FLOT2: variants seen among roughly 807,000 people sequenced by gnomAD.
FLOT2 encodes the protein flotillin 2, also known as flotillin-2.
A neutral mutation model predicts 54.9 loss-of-function variants in FLOT2; 35 were observed. The observed-to-expected ratio is 0.64, with a 90% confidence interval of 0.49 to 0.84. FLOT2 has a LOEUF of 0.84. FLOT2 is among the 40% of genes least tolerant of loss of function. The probability of loss-of-function intolerance (pLI) is 0.00; values close to 1 mark genes in which losing one functional copy is unlikely to be tolerated. For missense variants in FLOT2, 464 were observed against 572.1 expected (o/e 0.81, Z 1.93); for synonymous variants, 207 against 228.9 (o/e 0.90, Z 0.86).
chr17:28,886,058 C>CG (rs57069941), intron 2 of FLOT2: 18,173 of 473,004 alleles, frequency 0.038, 1,666 homozygotes, highest in South Asian at 0.054. Context: ...CGCCTGGGGG[C>CG]GGGGGGGGGC....
At chr17:28,893,751 T>C (rs1473653097) in intron 1 of FLOT2, among the ~76,000 whole-genome samples, 1 of 152,244 alleles carries the variant, frequency 6.6e-6, no homozygotes, top group Non-Finnish European at 1.5e-5. Context: ...AATCAACTCA[T>C]AACTTAGAAA....
chr17:28,881,503 G>A (rs949956809), intron 8 of FLOT2, 128 bp from the exon 9 acceptor site: 2 of 1,018,340 alleles, frequency 2.0e-6, no homozygotes, highest in Non-Finnish European at 1.4e-6. Flanking sequence ...TTGGAACGGA[G>A]TGGGGTGGCC....
rs955349122 is a variant in FLOT2, at chr17:28,883,868, C to A, written c.222+357G>T. Reference sequence around the variant, plus strand: ...CATGGCCTCTCCCTCTGGGCCCCACCCCTCCCACGCAGTACCCAGGGAACA... The same window carrying A: ...CATGGCCTCTCCCTCTGGGCCCCACACCTCCCACGCAGTACCCAGGGAACA... On this transcript the variant is annotated intron_variant, in intron 3 of 10. Transcript: ENST00000394908. This position sits in a 1 kb window ranked among gnomAD's most constrained non-coding sequence, Gnocchi z 5.0. Among the ~76,000 whole-genome samples the A allele has an allele frequency of 4.3e-4, 65 of 152,140 alleles. No homozygotes were observed. Among genetic ancestry groups the A allele is most frequent in the Non-Finnish European group, 8.8e-4 (60 of 68,016 alleles).
At chr17:28,889,077 A>AC (rs1884396142) in intron 1 of FLOT2, 51 bp from the exon 2 acceptor site, 1 of 1,516,420 alleles carries the variant, frequency 6.6e-7, no homozygotes, top group Non-Finnish European at 9.1e-7. Context: ...GGGTCTGTCT[A>AC]CCCTCCAGCC....
In FLOT2 at chr17:28,883,317, G is replaced by A. The variant is rs560614094; in HGVS notation, c.223-86C>T. The A allele has an allele frequency of 1.3e-6, 2 of 1,535,750 alleles. No individual in the cohort carries two copies. Among genetic ancestry groups the A allele is most frequent in the South Asian group, 1.1e-5 (1 of 87,738 alleles). On this transcript the variant is annotated intron_variant, in intron 3 of 10. Transcript: ENST00000394908. This position sits in a 1 kb window ranked among gnomAD's most constrained non-coding sequence, Gnocchi z 5.0. ...CCCAGAGGTAGGCAGGATGGTGGCT[G>A]TGCCTCCTCCCTTCCTTTTTTCAGA...
At chr17:28,886,110 A>G in intron 2 of FLOT2, 1 of 655,528 alleles carries the variant, frequency 1.5e-6, no homozygotes, top group African/African-American at 1.8e-5. Flanking sequence ...AGCTCAGCCG[A>G]GGGCTGCAGG....
In FLOT2 at chr17:28,882,267, T is replaced by A; in HGVS notation, c.580-30A>T. 2 of 1,614,038 alleles carry A rather than the reference T, an allele frequency of 1.2e-6. No individual in the cohort carries two copies. Among genetic ancestry groups the A allele is most frequent in the South Asian group, 2.2e-5 (2 of 91,072 alleles). ...GGACAAAAGGGGCAGAAGGGGAAGG[T>A]GAGTGAGTAGAGGTCCTGAGTCATC... On this transcript the variant is annotated intron_variant, in intron 6 of 10. Coordinates refer to ENST00000394908, the MANE Select transcript of FLOT2 (RefSeq NM_004475.3). This position sits in a 1 kb window ranked among gnomAD's most constrained non-coding sequence, Gnocchi z 5.6.
chr17:28,886,062 G>GGGGGGGGCAT (rs1555599336), intron 2 of FLOT2: 28 of 619,292 alleles, frequency 4.5e-5, no homozygotes, highest in Middle Eastern at 8.4e-4. Context: ...TGGGGGCGGG[G>GGGGGGGGCAT]GGGGGCATGC....
chr17:28,883,562 A>T lies in FLOT2; in HGVS notation c.223-331T>A, dbSNP rs984522760. On this transcript the variant is annotated intron_variant, in intron 3 of 10. Transcript: ENST00000394908. This position sits in a 1 kb window ranked among gnomAD's most constrained non-coding sequence, Gnocchi z 5.0. The stretch of plus-strand genomic sequence containing the variant: ...GGCTTCCTACACGTGGGAGACCCTC[A>T]GGCTGAGGGGCAGAGAGTATGAGAA... 6.6e-6 allele frequency among the ~76,000 whole-genome samples: 1 copy of T among 152,094 alleles called. No individual in the cohort carries two copies. The highest frequency in any genetic ancestry group is 2.4e-5 in the African/African-American group (1 of 41,398).
intron 1 of FLOT2, among the ~76,000 whole-genome samples, chr17:28,891,616 T>A (rs1056348025): frequency 3.3e-5 from 5 of 152,258 alleles, no homozygotes; most frequent in Non-Finnish European, 7.3e-5. Context: ...TACAGCAGCC[T>A]CTAGCAACAT....
In FLOT2 at chr17:28,880,217, C is replaced by A; in HGVS notation, c.*344G>T. ...AAGGCACCAGGATTCTGAGGAGCAG[C>A]AGGGCCACCCCCCACAGAGAGTGAT... On this transcript the variant is annotated 3_prime_UTR_variant, in exon 11 of 11. Transcript: ENST00000394908. 1 of 1,155,510 alleles carries A rather than the reference C, an allele frequency of 8.7e-7. No homozygotes were observed. The highest frequency in any genetic ancestry group is 1.1e-6 in the Non-Finnish European group (1 of 932,372). The allele number at this position is 1,155,510 out of a possible 1,614,324, so 71.6% of individuals were successfully genotyped here.
At chr17:28,894,304 C>T (rs1324351978) in intron 1 of FLOT2, among the ~76,000 whole-genome samples, 1 of 150,812 alleles carries the variant, frequency 6.6e-6, no homozygotes, top group African/African-American at 2.4e-5. Context: ...CTGGGCAACA[C>T]AGGGAGACCC....
chr17:28,883,133 C>T lies in FLOT2; in HGVS notation c.321G>A (p.Leu107=). ...QDIKNVVLQT[L]EGHLRSILGT... is the part of the protein sequence containing the mutation. ...CGAGGATGGAGCGCAGATGTCCCTCCAGGGTCTGCAGGACGACGTTTTTGA... is the reference window on the plus strand; with the variant it reads ...CGAGGATGGAGCGCAGATGTCCCTCTAGGGTCTGCAGGACGACGTTTTTGA... Residue 107 remains leucine, a synonymous_variant, in exon 4 of 11, where the codon CTG becomes CTA. Transcript: ENST00000394908. The surrounding 1 kb of genome is among the most constrained non-coding windows in gnomAD (Gnocchi z 5.0). The T allele has an allele frequency of 6.2e-7, 1 of 1,614,168 alleles. No homozygotes were observed. The highest frequency in any genetic ancestry group is 2.2e-5 in the East Asian group (1 of 44,878).
rs371665436 is a variant in FLOT2 at position 28,884,261 on chromosome 17, G to A, written c.186C>T (p.Ala62=). The A allele has an allele frequency of 2.0e-5, 32 of 1,613,448 alleles. No homozygotes were observed. The highest frequency in any genetic ancestry group is 4.0e-5 in the African/African-American group (3 of 74,908). The change falls in exon 3 of 11, where the codon GCC becomes GCT. Residue 62 remains alanine, a synonymous_variant. Transcript: ENST00000394908. The surrounding 1 kb of genome is among the most constrained non-coding windows in gnomAD (Gnocchi z 5.1). ...CCGTCACAGTTAAAGCTACCCCCTC[G>A]GCCGTCTCTACGTCCTCGCAGCGGG... ...LQPRCEDVET[A]EGVALTVTGV... is the part of the protein sequence containing the mutation.
At position 28,882,597 on chromosome 17, in the gene FLOT2, A is replaced by C; in HGVS notation, c.441T>G (p.Ile147Met). 1 of 1,612,924 alleles carries C rather than the reference A, an allele frequency of 6.2e-7. No homozygotes were observed. Among genetic ancestry groups the C allele is most frequent in the African/African-American group, 1.3e-5 (1 of 75,022 alleles). Reference sequence around the variant, plus strand: ...CCTTGATGGTGAAGCTGAGGATCTCAATGCCCATGCGGCCAACATCAGGGG... The same window carrying C: ...CCTTGATGGTGAAGCTGAGGATCTCCATGCCCATGCGGCCAACATCAGGGG... Reference protein sequence around the residue: ...VAAPDVGRMGIEILSFTIKDV... With the variant: ...VAAPDVGRMGMEILSFTIKDV... The change falls in exon 5 of 11, where the codon ATT becomes ATG. Residue 147 changes from isoleucine to methionine, a missense_variant. By Grantham distance (10) the Ile-to-Met change is conservative. Transcript: ENST00000394908. This position sits in a 1 kb window ranked among gnomAD's most constrained non-coding sequence, Gnocchi z 5.6.
intron 1 of FLOT2, among the ~76,000 whole-genome samples, chr17:28,889,347 T>C (rs2039605504): frequency 1.3e-5 from 2 of 152,036 alleles, no homozygotes; most frequent in African/African-American, 2.4e-5. Flanking sequence ...TTTTTTTTTT[T>C]CAGACAGAAT....
In FLOT2 at chr17:28,882,705, G is replaced by T; in HGVS notation, c.347-14C>A. The T allele has an allele frequency of 6.4e-7, 1 of 1,570,084 alleles. No individual in the cohort carries two copies. The stretch of plus-strand genomic sequence containing the variant: ...CTGTCAGGGTCCCTGGGGGCAGAGG[G>T]ATCAAGGGCTGGCTCCCCAGGGACC... On this transcript the variant is annotated splice_polypyrimidine_tract_variant and intron_variant, in intron 4 of 10. Transcript: ENST00000394908. The surrounding 1 kb of genome is among the most constrained non-coding windows in gnomAD (Gnocchi z 5.6).
intron 2 of FLOT2, among the ~76,000 whole-genome samples, chr17:28,887,296 A>G (rs1004886310): frequency 3.9e-5 from 6 of 152,122 alleles, no homozygotes; most frequent in African/African-American, 1.4e-4. Flanking sequence ...CTGACCCGAG[A>G]GGCTCCTGCC....
In FLOT2 at chr17:28,884,133, C is replaced by A. The variant is rs2152647174; in HGVS notation, c.222+92G>T. Reference sequence around the variant, plus strand: ...GGGCTGGGGTGCTGGAGAGAGACTGCCCCTGGCTGCTGTCCTCTCCTCCTC... The same window carrying A: ...GGGCTGGGGTGCTGGAGAGAGACTGACCCTGGCTGCTGTCCTCTCCTCCTC... On this transcript the variant is annotated intron_variant, in intron 3 of 10. Coordinates refer to ENST00000394908, the MANE Select transcript of FLOT2 (RefSeq NM_004475.3). The surrounding 1 kb of genome is among the most constrained non-coding windows in gnomAD (Gnocchi z 5.1). 17 of 937,470 alleles carry A rather than the reference C, an allele frequency of 1.8e-5. No individual in the cohort carries two copies. Among genetic ancestry groups the A allele is most frequent in the Non-Finnish European group, 2.8e-5 (16 of 573,440 alleles). 58.1% of individuals were successfully genotyped at this position (937,470 alleles called of 1,614,324 possible).
Sources: gnomAD v4.1 joint callset for allele counts (sites outside exome capture counted in the v4.1 genomes callset) on GRCh38, gnomAD v4.1.1 for gene constraint, Gnocchi (gnomAD v3.1) non-coding constraint, MANE v1.5 for transcripts, NCBI Gene and HGNC (gene_info 2026-07-23, HGNC 2026-07-21) for gene names.